EPB41L3: variants seen among roughly 807,000 people sequenced by gnomAD.
EPB41L3 encodes the protein band 4.1-like protein 3.
In EPB41L3, 57 loss-of-function variants were observed where a neutral mutation model predicts 127.1. The observed-to-expected ratio is 0.45, with a 90% CI of 0.36 to 0.56. EPB41L3 has a LOEUF of 0.56. EPB41L3 is among the 20% of genes least tolerant of loss of function. The pLI, the probability that EPB41L3 is intolerant of heterozygous loss-of-function variation, is 0.00. For missense variants in EPB41L3, 1,273 were observed against 1,372.2 expected, an observed-to-expected ratio of 0.93 and a Z score of 1.14; for synonymous variants, 572 against 549.5, an observed-to-expected ratio of 1.04 and a Z score of -0.57.
intron 1 of EPB41L3, among the ~76,000 whole-genome samples, chr18:5,532,231 C>G (rs1277850472): frequency 1.3e-5 from 2 of 152,138 alleles, no homozygotes; most frequent in Non-Finnish European, 2.9e-5. Context: ...GCTCAGTGTT[C>G]ACTGGTATTT....
At chr18:5,479,658 G>A (rs1335706740) in intron 2 of EPB41L3, 1 of 151,488 alleles carries the variant, frequency 6.6e-6, no homozygotes, top group Non-Finnish European at 1.5e-5. Context: ...AACTTCTTAA[G>A]AATTGAAAGA....
chr18:5,494,493 A>G (rs2090950567), intron 1 of EPB41L3, among the ~76,000 whole-genome samples: 1 of 152,042 alleles, frequency 6.6e-6, no homozygotes, highest in South Asian at 2.1e-4. Context: ...CCCCATCTCT[A>G]CTAAAAGTAC....
At chr18:5,546,305 G>A (rs866088201), upstream of EPB41L3, among the ~76,000 whole-genome samples, 1 of 152,252 alleles carries the variant, frequency 6.6e-6, no homozygotes, top group Non-Finnish European at 1.5e-5. Context: ...GGCTGAGGCC[G>A]GTGGATCACG....
intron 1 of EPB41L3, chr18:5,518,579 C>T (rs1272734514): frequency 6.6e-6 from 1 of 152,210 alleles, no homozygotes; most frequent in African/African-American, 2.4e-5. Flanking sequence ...GCTTCTCTTC[C>T]ATCTTCAGTC....
chr18:5,575,195 G>T (rs953268204), intron 3 of EPB41L3, among the ~76,000 whole-genome samples: 2 of 152,104 alleles, frequency 1.3e-5, no homozygotes, highest in African/African-American at 2.4e-5. Context: ...TGAGTAATTC[G>T]CAATCTTTCT....
chr18:5,468,614 A>G (rs1331137336), intron 3 of EPB41L3, among the ~76,000 whole-genome samples: 1 of 152,226 alleles, frequency 6.6e-6, no homozygotes, highest in Non-Finnish European at 1.5e-5. Flanking sequence ...TACCCACTCC[A>G]GGACTGCTCT....
chr18:5,525,648 GATT>G (rs1310875382), intron 1 of EPB41L3, among the ~76,000 whole-genome samples: 3 of 152,062 alleles, frequency 2.0e-5, no homozygotes, highest in African/African-American at 7.2e-5. Context: ...TAACACATAT[GATT>G]ATTATAGACA....
intron 3 of EPB41L3, among the ~76,000 whole-genome samples, chr18:5,586,402 T>C (rs1004453427): frequency 1.5e-4 from 12 of 78,710 alleles, no homozygotes; most frequent in Admixed American, 2.7e-4. Flanking sequence ...TTTTCTTTTT[T>C]GTTTTTTTTT....
intron 3 of EPB41L3, among the ~76,000 whole-genome samples, chr18:5,460,499 ATG>A (rs1336095437): frequency 2.0e-5 from 3 of 152,212 alleles, no homozygotes; most frequent in African/African-American, 7.2e-5. Context: ...GTGTATGTGG[ATG>A]TGTTATGTGT....
At chr18:5,608,993 A>G (rs1224294139) in intron 3 of EPB41L3, among the ~76,000 whole-genome samples, 2 of 152,354 alleles carry the variant, frequency 1.3e-5, no homozygotes, top group East Asian at 1.9e-4. Context: ...AGAATAGAAA[A>G]TCTTACAAAC....
In EPB41L3 at chr18:5,511,625, A is replaced by T. The variant is rs563213458; in HGVS notation, c.-11-22431T>A. Among the ~76,000 whole-genome samples, 16 of 152,220 alleles carry T rather than the reference A, an allele frequency of 1.1e-4. No homozygotes were observed. The East Asian group carries it at 3.1e-3, about 29-fold the overall frequency. The stretch of plus-strand genomic sequence containing the variant: ...ATTTACCATATAAAATGTTAATTTA[A>T]GAGTAATTTTCAGAGAGGTGATCCC... On this transcript the variant is annotated intron_variant, in intron 1 of 22. Coordinates refer to ENST00000341928, the MANE Select transcript of EPB41L3 (RefSeq NM_012307.5).
chr18:5,394,407 G>C (rs943982460), intron 22 of EPB41L3: 15 of 329,266 alleles, frequency 4.6e-5, no homozygotes, highest in Non-Finnish European at 8.4e-5. Context: ...TGGAATAAAA[G>C]GGAACACCAG....
chr18:5,629,331 C>G (rs2094960749), upstream of EPB41L3, among the ~76,000 whole-genome samples: 1 of 151,728 alleles, frequency 6.6e-6, no homozygotes, highest in Non-Finnish European at 1.5e-5. Flanking sequence ...CGAGGGGAGG[C>G]GGTCCCTGCG....
At chr18:5,562,104 C>G (rs2149212776) in intron 3 of EPB41L3, among the ~76,000 whole-genome samples, 1 of 152,108 alleles carries the variant, frequency 6.6e-6, no homozygotes, top group East Asian at 1.9e-4. Context: ...AAAAGGACAT[C>G]AGTGGAAAAA....
At chr18:5,575,051 T>G (rs1207303747) in intron 3 of EPB41L3, among the ~76,000 whole-genome samples, 4 of 152,154 alleles carry the variant, frequency 2.6e-5, no homozygotes, top group African/African-American at 9.7e-5. Context: ...TATGAGCATG[T>G]GCCCACTACT....
intron 3 of EPB41L3, among the ~76,000 whole-genome samples, chr18:5,587,258 A>C (rs1477033496): frequency 6.6e-6 from 1 of 152,072 alleles, no homozygotes; most frequent in Non-Finnish European, 1.5e-5. Context: ...CTTTTACTAA[A>C]AGTTTAGCTT....
chr18:5,451,318 G>A (rs2082252186), intron 3 of EPB41L3, among the ~76,000 whole-genome samples: 1 of 152,170 alleles, frequency 6.6e-6, no homozygotes, highest in Non-Finnish European at 1.5e-5. Context: ...CAGTTCTGAT[G>A]TGTTTCAATC....
chr18:5,613,380 G>C (rs2094752792), intron 2 of EPB41L3, among the ~76,000 whole-genome samples: 3 of 152,254 alleles, frequency 2.0e-5, no homozygotes, highest in African/African-American at 7.2e-5. Context: ...CCTCTTGGCA[G>C]TAATGCTCAG....
chr18:5,630,273 C>T (rs891868292), upstream of EPB41L3: 1 of 466,502 alleles, frequency 2.1e-6, no homozygotes. Context: ...TCTCCCCCAT[C>T]GACCTCGAGC....
Sources: gnomAD v4.1 joint callset for allele counts (sites outside exome capture counted in the v4.1 genomes callset) on GRCh38, gnomAD v4.1.1 for gene constraint, MANE v1.5 for transcripts, NCBI Gene and HGNC (gene_info 2026-07-23, HGNC 2026-07-21) for gene names.